Variants in XRCC4 observed in about 807,000 individuals in gnomAD.
XRCC4 encodes DNA repair protein XRCC4.
XRCC4 carries 28 observed loss-of-function variants against 39.1 expected under a neutral mutation model. The observed-to-expected ratio is 0.72, with a 90% CI of 0.53 to 0.98. XRCC4 has a LOEUF of 0.98. XRCC4 is among the 50% of genes least tolerant of loss of function. The pLI, the probability that XRCC4 is intolerant of heterozygous loss-of-function variation, is 0.00. For synonymous variants in XRCC4, 123 were observed against 126.4 expected (o/e 0.97, Z 0.18); for missense variants, 350 against 376.4 (o/e 0.93, Z 0.58).
intron 7 of XRCC4, among the ~76,000 whole-genome samples, chr5:83,334,381 A>G (rs574809087): frequency 6.6e-6 from 1 of 152,296 alleles, no homozygotes; most frequent in African/African-American, 2.4e-5. Context: ...AACATTACCT[A>G]GAAAGAGTAT....
At chr5:83,107,202 GTTTA>G (rs2112384293) in intron 2 of XRCC4, among the ~76,000 whole-genome samples, 1 of 151,920 alleles carries the variant, frequency 6.6e-6, no homozygotes, top group South Asian at 2.1e-4. Context: ...CTGTTTTCTT[GTTTA>G]CATATCAGGG....
the XRCC4 span, among the ~76,000 whole-genome samples, chr5:83,369,319 G>A: frequency 6.6e-6 from 1 of 152,144 alleles, no homozygotes; most frequent in African/African-American, 2.4e-5. Context: ...GCGAGATGCT[G>A]AGGTTTAGGG....
chr5:83,107,755 A>G (rs1412631218), intron 2 of XRCC4, among the ~76,000 whole-genome samples: 7 of 151,974 alleles, frequency 4.6e-5, no homozygotes. Flanking sequence ...TTGTTCTATT[A>G]TCCACTAATT....
intron 3 of XRCC4, among the ~76,000 whole-genome samples, chr5:83,122,462 G>T (rs1193957305): frequency 1.3e-5 from 2 of 152,092 alleles, no homozygotes; most frequent in Non-Finnish European, 2.9e-5. Flanking sequence ...TCTATAAGGT[G>T]CAGGGCTTCC....
chr5:83,205,756 G>T (rs1751395563), intron 6 of XRCC4, among the ~76,000 whole-genome samples: 1 of 152,028 alleles, frequency 6.6e-6, no homozygotes, highest in South Asian at 2.1e-4. Context: ...AATATGTTAG[G>T]TTGATAAGTG....
At chr5:83,256,883 A>T (rs1753560999) in intron 6 of XRCC4, among the ~76,000 whole-genome samples, 1 of 152,160 alleles carries the variant, frequency 6.6e-6, no homozygotes, top group Non-Finnish European at 1.5e-5. Flanking sequence ...AACCTCTCTG[A>T]AGCCTTGTTT....
intron 7 of XRCC4, among the ~76,000 whole-genome samples, chr5:83,282,629 G>A (rs555943292): frequency 1.2e-3 from 189 of 151,772 alleles, no homozygotes; most frequent in African/African-American, 4.4e-3. Flanking sequence ...GGATCACGAG[G>A]TCAGAGATCG....
At chr5:83,274,383 A>G (rs1754252566) in intron 7 of XRCC4, among the ~76,000 whole-genome samples, 2 of 152,190 alleles carry the variant, frequency 1.3e-5, no homozygotes, top group African/African-American at 4.8e-5. Flanking sequence ...TGCTCATGCC[A>G]TGTACTTTGT....
At chr5:83,176,126 G>A (rs369320477) in intron 3 of XRCC4, among the ~76,000 whole-genome samples, 14 of 152,006 alleles carry the variant, frequency 9.2e-5, no homozygotes, top group East Asian at 1.9e-4. Context: ...ATTGATTAGC[G>A]TAAGTTATAA....
chr5:83,185,119 A>G (rs1750377847), intron 3 of XRCC4, among the ~76,000 whole-genome samples: 1 of 152,066 alleles, frequency 6.6e-6, no homozygotes. Context: ...AGGCACTTAC[A>G]TTTATATTTC....
chr5:83,257,044 G>C (rs993194613), intron 6 of XRCC4, among the ~76,000 whole-genome samples: 1 of 151,994 alleles, frequency 6.6e-6, no homozygotes, highest in African/African-American at 2.4e-5. Context: ...ATCAAGAGAG[G>C]AATTTCAGTA....
At chr5:83,086,479 A>G (rs1219029963) in intron 1 of XRCC4, among the ~76,000 whole-genome samples, 1 of 152,216 alleles carries the variant, frequency 6.6e-6, no homozygotes, top group Non-Finnish European at 1.5e-5. Context: ...AAAGGAAAAT[A>G]TATTTACTAT....
At chr5:83,152,517 C>T (rs1017944300) in intron 3 of XRCC4, among the ~76,000 whole-genome samples, 5 of 151,572 alleles carry the variant, frequency 3.3e-5, no homozygotes, top group South Asian at 2.1e-4. Context: ...CCTGTAATCC[C>T]AGCTACTCAG....
intron 1 of XRCC4, among the ~76,000 whole-genome samples, chr5:83,089,395 A>G (rs1057390461): frequency 6.6e-6 from 1 of 152,226 alleles, no homozygotes; most frequent in Non-Finnish European, 1.5e-5. Context: ...TATCCTTCCT[A>G]TATTAAACCC....
Position 83,221,220 on chromosome 5 carries a change from A to T in XRCC4, c.745+16299A>T, listed in dbSNP as rs535318433. On this transcript the variant is annotated intron_variant, in intron 6 of 7. Transcript: ENST00000396027. ...TGTTATTTTTTATTATGGCATCACT[A>T]CCACAACTGCTACAGACTCATTAAT... is the stretch of plus-strand genomic sequence containing the variant. 1.2e-4 allele frequency among the ~76,000 whole-genome samples: 18 copies of T among 152,266 alleles called. 1 individual carries two copies. The South Asian group carries it at 3.7e-3, about 32-fold the overall frequency.
chr5:83,222,221 CTTTAT>C (rs1314106474), intron 6 of XRCC4, among the ~76,000 whole-genome samples: 2 of 151,726 alleles, frequency 1.3e-5, no homozygotes, highest in African/African-American at 4.8e-5. Context: ...TCTATTTGTT[CTTTAT>C]TTTAACTATT....
the XRCC4 span, among the ~76,000 whole-genome samples, chr5:83,367,335 C>A: frequency 1.6e-4 from 25 of 152,286 alleles, no homozygotes; most frequent in African/African-American, 5.5e-4. Flanking sequence ...CCAAGCCCCA[C>A]CAATGTGAGG....
chr5:83,105,214 C>A (rs1158871458), intron 2 of XRCC4, among the ~76,000 whole-genome samples, 156 bp downstream of exon 2: 1 of 152,220 alleles, frequency 6.6e-6, no homozygotes, highest in Non-Finnish European at 1.5e-5. Flanking sequence ...TTTAATGCCA[C>A]TTTCTATATT....
At chr5:83,231,757 A>C (rs1210527238) in intron 6 of XRCC4, among the ~76,000 whole-genome samples, 1 of 152,058 alleles carries the variant, frequency 6.6e-6, no homozygotes, top group African/African-American at 2.4e-5. Context: ...AACCTTCATA[A>C]CACTTATTTA....
Sources: allele counts gnomAD v4.1 joint callset (sites outside exome capture counted in the v4.1 genomes callset), GRCh38; gene constraint gnomAD v4.1.1; transcripts MANE v1.5; gene names NCBI Gene and HGNC (gene_info 2026-07-23, HGNC 2026-07-21).